Variants in SLC9A9 observed in about 807,000 individuals in gnomAD.
SLC9A9 encodes the protein sodium/hydrogen exchanger 9.
A neutral mutation model predicts 77.8 loss-of-function variants in SLC9A9; 62 were observed. The observed-to-expected ratio is 0.80, with a 90% CI of 0.65 to 0.98. The LOEUF (loss-of-function observed/expected upper bound fraction) is 0.98, where lower values mean the gene tolerates loss of function less well. Among genes scored for constraint, SLC9A9 ranks in the 50% least tolerant of loss-of-function variants. SLC9A9 has a pLI of 0.00. For missense variants in SLC9A9, 775 were observed against 774.9 expected (o/e 1.00, Z 0.00); for synonymous variants, 320 against 283.5 (o/e 1.13, Z -1.29).
chr3:143,798,236 T>A (rs1389870511), intron 2 of SLC9A9, among the ~76,000 whole-genome samples: 1 of 152,210 alleles, frequency 6.6e-6, no homozygotes, highest in East Asian at 1.9e-4. Context: ...AGACACATTT[T>A]ATCCGTGGAC....
intron 6 of SLC9A9, among the ~76,000 whole-genome samples, chr3:143,606,953 C>T (rs914403836): frequency 6.0e-5 from 9 of 151,070 alleles, no homozygotes; most frequent in African/African-American, 2.2e-4. Context: ...GTAAAATAAA[C>T]ACTCAGATTT....
rs138252890 is a variant in SLC9A9 at position 143,623,186 on chromosome 3, T to A, written c.755+29069A>T. Among the ~76,000 whole-genome samples the A allele has an allele frequency of 1.5e-4, 23 of 152,276 alleles. No homozygotes were observed. The East Asian group carries it at 4.0e-3, about 27-fold the overall frequency. ...AATGGGAGACTTTAACACCCCACTG[T>A]CAACGTCAGACAGATCAAGGAGACA... On this transcript the variant is annotated intron_variant, in intron 6 of 15. Transcript: ENST00000316549.
chr3:143,332,488 G>A (rs1399746852), intron 14 of SLC9A9, among the ~76,000 whole-genome samples: 1 of 152,184 alleles, frequency 6.6e-6, no homozygotes, highest in Non-Finnish European at 1.5e-5. Flanking sequence ...AGAGTGGGGA[G>A]AATCTTGAAT....
At chr3:143,379,383 C>A (rs1576458973) in intron 13 of SLC9A9, among the ~76,000 whole-genome samples, 1 of 152,314 alleles carries the variant, frequency 6.6e-6, no homozygotes, top group African/African-American at 2.4e-5. Context: ...GCTGTGAGGA[C>A]ACTGCAGCTT....
chr3:143,836,759 C>A (rs1464585421), intron 1 of SLC9A9, among the ~76,000 whole-genome samples: 1 of 152,050 alleles, frequency 6.6e-6, no homozygotes, highest in East Asian at 1.9e-4. Context: ...TCTATTACTC[C>A]CTTATTATGT....
chr3:143,803,492 C>T (rs1576738232), intron 2 of SLC9A9, among the ~76,000 whole-genome samples: 2 of 152,190 alleles, frequency 1.3e-5, no homozygotes, highest in Non-Finnish European at 2.9e-5. Flanking sequence ...TACACTGTTT[C>T]TCCAAGCCAT....
At chr3:143,613,358 T>C (rs2038051152) in intron 6 of SLC9A9, among the ~76,000 whole-genome samples, 1 of 152,222 alleles carries the variant, frequency 6.6e-6, no homozygotes, top group Non-Finnish European at 1.5e-5. Context: ...ATTAAGACTG[T>C]TGTGAAACAG....
intron 9 of SLC9A9, among the ~76,000 whole-genome samples, chr3:143,539,024 C>A (rs142877810): frequency 1.4e-4 from 22 of 152,038 alleles, no homozygotes; most frequent in Admixed American, 8.5e-4. Flanking sequence ...GGAAAAGAAA[C>A]CTGTTTTAAA....
chr3:143,440,292 T>G (rs1251746319), intron 12 of SLC9A9, among the ~76,000 whole-genome samples: 3 of 152,214 alleles, frequency 2.0e-5, no homozygotes, highest in Non-Finnish European at 4.4e-5. Context: ...GAATGGTATC[T>G]TTAATCTCCA....
chr3:143,446,088 A>G (rs2034836077), intron 12 of SLC9A9, among the ~76,000 whole-genome samples: 1 of 152,140 alleles, frequency 6.6e-6, no homozygotes, highest in South Asian at 2.1e-4. Flanking sequence ...TTTTATTTTA[A>G]AAAATAAAAG....
chr3:143,266,106 A>G lies in SLC9A9; in HGVS notation c.*596T>C, dbSNP rs2108392756. 1 of 702,338 alleles carries G rather than the reference A, an allele frequency of 1.4e-6. No homozygotes were observed. Among genetic ancestry groups the G allele is most frequent in the African/African-American group, 1.7e-5 (1 of 57,372 alleles). The allele number at this position is 702,338 out of a possible 1,614,324, so 43.5% of individuals were successfully genotyped here. A position where few individuals can be genotyped will look rare whatever the true frequency, so the allele number is the denominator to read the frequency against. ...GAGAAGTAGCATAAGAAGGATGCCAAGAAGAACAATAGGTTCTTCAACTCA... is the reference window on the plus strand; with the variant it reads ...GAGAAGTAGCATAAGAAGGATGCCAGGAAGAACAATAGGTTCTTCAACTCA... On this transcript the variant is annotated 3_prime_UTR_variant, in exon 16 of 16. Coordinates refer to ENST00000316549, the MANE Select transcript of SLC9A9 (RefSeq NM_173653.4).
At chr3:143,786,004 G>C (rs112762752) in intron 4 of SLC9A9, among the ~76,000 whole-genome samples, 5 of 151,328 alleles carry the variant, frequency 3.3e-5, no homozygotes, top group Non-Finnish European at 5.9e-5. Context: ...CTACAGGCAC[G>C]CGCCACCATG....
At chr3:143,761,094 G>A (rs1156258941) in intron 4 of SLC9A9, among the ~76,000 whole-genome samples, 2 of 152,150 alleles carry the variant, frequency 1.3e-5, no homozygotes, top group South Asian at 2.1e-4. Context: ...AATGGGGAAA[G>A]GATTCCCTAT....
intron 4 of SLC9A9, among the ~76,000 whole-genome samples, chr3:143,695,201 T>TATA (rs1933594459): frequency 1.3e-5 from 2 of 152,144 alleles, no homozygotes; most frequent in Non-Finnish European, 2.9e-5. Context: ...TTATTATTAT[T>TATA]ATACTTTAAG....
At chr3:143,429,830 G>C (rs775747629) in intron 12 of SLC9A9, among the ~76,000 whole-genome samples, 32 of 152,192 alleles carry the variant, frequency 2.1e-4, no homozygotes, top group Non-Finnish European at 3.8e-4. Flanking sequence ...AGTAATACCA[G>C]AAGTCAGTAC....
intron 5 of SLC9A9, among the ~76,000 whole-genome samples, chr3:143,655,957 G>A (rs565668586): frequency 6.6e-6 from 1 of 152,316 alleles, no homozygotes; most frequent in South Asian, 2.1e-4. Flanking sequence ...TAATTTATAG[G>A]TTGACAAGAA....
intron 8 of SLC9A9, among the ~76,000 whole-genome samples, chr3:143,556,163 T>A (rs963677321): frequency 6.6e-6 from 1 of 152,204 alleles, no homozygotes; most frequent in Non-Finnish European, 1.5e-5. Context: ...TATATACCCA[T>A]GCCTGAGTCC....
chr3:143,788,688 CAAAAA>C (rs71140455), intron 4 of SLC9A9, among the ~76,000 whole-genome samples: 1 of 89,910 alleles, frequency 1.1e-5, no homozygotes, highest in Non-Finnish European at 2.1e-5. Flanking sequence ...GAGACTCCAT[CAAAAA>C]AAAAAAAAAA....
In SLC9A9 at chr3:143,625,956, G is replaced by C. The variant is rs548435818; in HGVS notation, c.755+26299C>G. Among the ~76,000 whole-genome samples, 204 of 152,278 alleles carry C rather than the reference G, an allele frequency of 1.3e-3. 1 individual carries two copies. Among genetic ancestry groups the C allele is most frequent in the African/African-American group, 4.9e-3 (203 of 41,560 alleles). On this transcript the variant is annotated intron_variant, in intron 6 of 15. Coordinates refer to ENST00000316549, the MANE Select transcript of SLC9A9 (RefSeq NM_173653.4). The stretch of plus-strand genomic sequence containing the variant: ...CAACCCCATCAAAATGTGGGCGAAG[G>C]ATATGAACAGACACTTCTCAAAAGA...
Sources: allele counts gnomAD v4.1 joint callset (sites outside exome capture counted in the v4.1 genomes callset), GRCh38; gene constraint gnomAD v4.1.1; transcripts MANE v1.5; gene names NCBI Gene and HGNC (gene_info 2026-07-23, HGNC 2026-07-21).